The following SEZ6L variants were observed in gnomAD, a reference collection of about 807,000 sequenced individuals.
SEZ6L encodes the protein seizure related 6 homolog like.
A neutral mutation model predicts 106.2 loss-of-function variants in SEZ6L; 37 were observed. The ratio of observed to expected loss-of-function variants is 0.35; its 90% CI spans 0.27 to 0.46. The LOEUF is 0.46. SEZ6L is among the 20% of genes least tolerant of loss of function. SEZ6L has a pLI of 1.00. For missense variants in SEZ6L, 1,172 were observed against 1,332.8 expected, an observed-to-expected ratio of 0.88 and a Z score of 1.88; for synonymous variants, 541 against 570.4, an observed-to-expected ratio of 0.95 and a Z score of 0.73.
chr22:26,360,458 G>A (rs1436186204), intron 12 of SEZ6L, among the ~76,000 whole-genome samples: 2 of 152,186 alleles, frequency 1.3e-5, no homozygotes, highest in Non-Finnish European at 2.9e-5. Flanking sequence ...TATGCCCGGC[G>A]CATACAATGC....
intron 9 of SEZ6L, among the ~76,000 whole-genome samples, chr22:26,334,627 C>T (rs187464058): frequency 5.3e-5 from 8 of 152,264 alleles, no homozygotes; most frequent in South Asian, 2.1e-4. Flanking sequence ...AGGAAACCAC[C>T]GAGGTGCTGT....
intron 12 of SEZ6L, among the ~76,000 whole-genome samples, chr22:26,362,027 T>TA (rs1222005154): frequency 1.1e-4 from 8 of 76,078 alleles, no homozygotes; most frequent in African/African-American, 4.2e-4. Flanking sequence ...CCACCCTGCA[T>TA]TAAAAAAAAA....
chr22:26,290,314 G>T (rs577384112), intron 1 of SEZ6L, among the ~76,000 whole-genome samples: 1 of 152,236 alleles, frequency 6.6e-6, no homozygotes, highest in East Asian at 1.9e-4. Context: ...GGTGGATCAC[G>T]AGGTCAGGAG....
intron 1 of SEZ6L, among the ~76,000 whole-genome samples, chr22:26,232,346 TCACACA>T (rs10654892): frequency 0.1 from 13,444 of 133,160 alleles, 859 homozygotes; most frequent in Admixed American, 0.18. Flanking sequence ...TCTCTGTCTT[TCACACA>T]CACACACACA....
chr22:26,290,376 C>CA (rs1319288126), intron 1 of SEZ6L, among the ~76,000 whole-genome samples: 2 of 151,900 alleles, frequency 1.3e-5, no homozygotes, highest in Admixed American at 1.3e-4. Flanking sequence ...CTAAAAAATA[C>CA]AAAAAATTAG....
At chr22:26,363,047 C>A (rs1381948097) in intron 12 of SEZ6L, among the ~76,000 whole-genome samples, 2 of 152,194 alleles carry the variant, frequency 1.3e-5, no homozygotes, top group South Asian at 4.1e-4. Context: ...TAGGGAGTGG[C>A]AGAGACTGGG....
rs536069651 is a variant in SEZ6L at position 26,207,753 on chromosome 22, G to C, written c.94+37990G>C. ...CCTTAACTTTTCATATTCTACTTAA[G>C]GTTACCACTTTACATGAAATTTAGA... On this transcript the variant is annotated intron_variant, in intron 1 of 16. Transcript: ENST00000248933. 2.0e-5 allele frequency among the ~76,000 whole-genome samples: 3 copies of C among 152,068 alleles called. No individual in the cohort carries two copies. In the East Asian group the frequency reaches 5.8e-4, roughly 29 times the overall value.
intron 16 of SEZ6L, among the ~76,000 whole-genome samples, chr22:26,378,609 G>A (rs535871796): frequency 3.9e-4 from 60 of 152,210 alleles, no homozygotes; most frequent in Non-Finnish European, 7.6e-4. Flanking sequence ...GTTGGGGAAG[G>A]CATCATTGAG....
At chr22:26,353,346 T>C (rs970421834) in intron 12 of SEZ6L, among the ~76,000 whole-genome samples, 1 of 152,246 alleles carries the variant, frequency 6.6e-6, no homozygotes. Context: ...ATATATAGTG[T>C]GTGTACATAT....
chr22:26,214,844 G>GTTTC (rs2078255155), intron 1 of SEZ6L, among the ~76,000 whole-genome samples: 1 of 152,162 alleles, frequency 6.6e-6, no homozygotes, highest in South Asian at 2.1e-4. Flanking sequence ...TGGGTGGGTG[G>GTTTC]TGGGCATGGC....
intron 12 of SEZ6L, among the ~76,000 whole-genome samples, chr22:26,356,316 A>G (rs6005022): frequency 0.071 from 10,737 of 152,248 alleles, 1,329 homozygotes; most frequent in African/African-American, 0.25. Flanking sequence ...CACATACATT[A>G]AAAGAAAAAC....
chr22:26,315,634 C>G (rs1416242042), intron 9 of SEZ6L, among the ~76,000 whole-genome samples: 1 of 151,978 alleles, frequency 6.6e-6, no homozygotes, highest in African/African-American at 2.4e-5. Context: ...TTGGGCTGGG[C>G]TCACCTGTTC....
chr22:26,197,081 A>G lies in SEZ6L; in HGVS notation c.94+27318A>G, dbSNP rs578205053. On this transcript the variant is annotated intron_variant, in intron 1 of 16. Coordinates refer to ENST00000248933, the MANE Select transcript of SEZ6L (RefSeq NM_021115.5). ...TTTAGGTATAGCTACACCCACTTCC[A>G]TACAGACACTACTTCTTTCACATCA... Among the ~76,000 whole-genome samples, 35 of 152,318 alleles carry G rather than the reference A, an allele frequency of 2.3e-4. No homozygotes were observed. The East Asian group carries it at 4.6e-3, about 20-fold the overall frequency.
intron 9 of SEZ6L, among the ~76,000 whole-genome samples, chr22:26,318,311 T>A (rs1357075959): frequency 6.6e-6 from 1 of 151,792 alleles, no homozygotes; most frequent in Non-Finnish European, 1.5e-5. Flanking sequence ...TGACCTCAAG[T>A]GATCTGCCTG....
intron 1 of SEZ6L, among the ~76,000 whole-genome samples, chr22:26,208,177 A>C (rs1426043373): frequency 1.3e-5 from 2 of 152,076 alleles, no homozygotes; most frequent in African/African-American, 4.8e-5. Context: ...GGCCTCCCAA[A>C]GTGCTGGGAT....
chr22:26,234,515 T>TGCTCTCTG (rs2078898490), intron 1 of SEZ6L, among the ~76,000 whole-genome samples: 1 of 152,214 alleles, frequency 6.6e-6, no homozygotes, highest in South Asian at 2.1e-4. Flanking sequence ...ACGAACGTCT[T>TGCTCTCTG]GCTCTCTGGC....
chr22:26,267,639 T>C (rs962065965), intron 1 of SEZ6L, among the ~76,000 whole-genome samples: 2 of 152,358 alleles, frequency 1.3e-5, no homozygotes, highest in Middle Eastern at 3.4e-3. Flanking sequence ...TCAGAGCCTC[T>C]ACCATGAAAG....
In SEZ6L at chr22:26,294,279, T is replaced by C; in HGVS notation, c.836-13T>C. ...GTTGTCTTTGGTGTCCTAATTAAAG[T>C]CCTTCCTTCCAGCTCTCTGCAGTGT... is the stretch of plus-strand genomic sequence containing the variant. On this transcript the variant is annotated splice_polypyrimidine_tract_variant and intron_variant, in intron 2 of 16. Coordinates refer to ENST00000248933, the MANE Select transcript of SEZ6L (RefSeq NM_021115.5). 6.2e-7 allele frequency: 1 copy of C among 1,613,502 alleles called. No individual in the cohort carries two copies. Among genetic ancestry groups the C allele is most frequent in the Non-Finnish European group, 8.5e-7 (1 of 1,179,620 alleles).
intron 1 of SEZ6L, among the ~76,000 whole-genome samples, chr22:26,243,572 A>G (rs2079211963): frequency 6.6e-6 from 1 of 152,230 alleles, no homozygotes; most frequent in African/African-American, 2.4e-5. Flanking sequence ...GAGATGGAGC[A>G]GAACAATCAT....
Sources: gnomAD v4.1 joint callset for allele counts (sites outside exome capture counted in the v4.1 genomes callset) on GRCh38, gnomAD v4.1.1 for gene constraint, MANE v1.5 for transcripts, NCBI Gene and HGNC (gene_info 2026-07-23, HGNC 2026-07-21) for gene names.